FIGN: variants seen among roughly 807,000 people sequenced by gnomAD.
FIGN encodes fidgetin.
Under a neutral mutation model 51.3 loss-of-function variants are expected in FIGN, and 11 were observed. The observed-to-expected ratio is 0.21, with a 90% CI of 0.13 to 0.35. FIGN has a LOEUF of 0.35. Ranked by LOEUF, FIGN falls within the 10% of genes least tolerant of loss-of-function variation. FIGN has a pLI of 1.00. For missense variants in FIGN, 857 were observed against 943.6 expected, an observed-to-expected ratio of 0.91 and a Z score of 1.20; for synonymous variants, 407 against 363.2, an observed-to-expected ratio of 1.12 and a Z score of -1.37.
Position 163,684,049 on chromosome 2 carries a change from C to A in FIGN, c.25+50854G>T, listed in dbSNP as rs368262780. Among the ~76,000 whole-genome samples, 11 of 152,204 alleles carry A rather than the reference C, an allele frequency of 7.2e-5. No individual in the cohort carries two copies. In the South Asian group the frequency reaches 2.1e-3, roughly 29 times the overall value. On this transcript the variant is annotated intron_variant, in intron 2 of 2. Coordinates refer to ENST00000333129, the MANE Select transcript of FIGN (RefSeq NM_018086.4). ...ATGTTGAAAATCAATGATAAAATCT[C>A]CACTAATGAGAAATGTGTGTTTTTA... is the stretch of plus-strand genomic sequence containing the variant.
At chr2:163,663,353 AG>A (rs1168381152) in intron 2 of FIGN, among the ~76,000 whole-genome samples, 2 of 148,364 alleles carry the variant, frequency 1.3e-5, no homozygotes, top group Non-Finnish European at 2.9e-5. Context: ...TTGTTTTTTG[AG>A]ACGGAGTTTT....
At chr2:163,615,747 AC>A (rs1357866089) in intron 2 of FIGN, among the ~76,000 whole-genome samples, 1 of 152,180 alleles carries the variant, frequency 6.6e-6, no homozygotes, top group African/African-American at 2.4e-5. Flanking sequence ...TGACTTTAGA[AC>A]AATAACTCCT....
intron 2 of FIGN, among the ~76,000 whole-genome samples, chr2:163,720,162 T>C (rs572997030): frequency 1.3e-5 from 2 of 152,302 alleles, no homozygotes; most frequent in East Asian, 3.9e-4. Context: ...TCCAGGTAAT[T>C]GCTTAAATGA....
chr2:163,664,938 T>G (rs1683749183), intron 2 of FIGN, among the ~76,000 whole-genome samples: 1 of 152,226 alleles, frequency 6.6e-6, no homozygotes, highest in African/African-American at 2.4e-5. Flanking sequence ...CTCCCCAATC[T>G]AAGCTGACTG....
intron 2 of FIGN, among the ~76,000 whole-genome samples, chr2:163,635,904 C>T (rs1244409939): frequency 1.3e-5 from 2 of 151,850 alleles, no homozygotes; most frequent in East Asian, 1.9e-4. Flanking sequence ...TGATCTTTAA[C>T]ATAACTTGGA....
intron 2 of FIGN, among the ~76,000 whole-genome samples, chr2:163,650,567 T>C (rs1273155605): frequency 6.7e-6 from 1 of 149,294 alleles, no homozygotes; most frequent in Non-Finnish European, 1.5e-5. Flanking sequence ...CAGGCCCCAG[T>C]GTGAGATGTT....
chr2:163,627,205 C>T (rs964320667), intron 2 of FIGN, among the ~76,000 whole-genome samples: 1 of 152,090 alleles, frequency 6.6e-6, no homozygotes, highest in Non-Finnish European at 1.5e-5. Flanking sequence ...TTCTTTCTTT[C>T]GTGACATCCA....
intron 2 of FIGN, among the ~76,000 whole-genome samples, chr2:163,677,278 A>T (rs1683988033): frequency 6.6e-6 from 1 of 152,244 alleles, no homozygotes; most frequent in East Asian, 1.9e-4. Context: ...TAAGCAAGAC[A>T]TGCAAATAGG....
intron 2 of FIGN, among the ~76,000 whole-genome samples, chr2:163,671,510 G>C (rs1034615521): frequency 6.6e-6 from 1 of 152,140 alleles, no homozygotes; most frequent in Non-Finnish European, 1.5e-5. Context: ...AAAATTGGTA[G>C]ATTTACAGTC....
chr2:163,630,070 C>G (rs942409337), intron 2 of FIGN, among the ~76,000 whole-genome samples: 1 of 146,392 alleles, frequency 6.8e-6, no homozygotes, highest in African/African-American at 2.5e-5. Flanking sequence ...AGGCAATCCT[C>G]TCACCTCAGC....
intron 2 of FIGN, among the ~76,000 whole-genome samples, chr2:163,660,076 G>A (rs919646060): frequency 6.6e-6 from 1 of 151,838 alleles, no homozygotes; most frequent in African/African-American, 2.4e-5. Context: ...ACTCCAGCCT[G>A]GGTGACAGAG....
At position 163,676,368 on chromosome 2, in the gene FIGN, C is replaced by T. The variant is rs1425188360; in HGVS notation, c.25+58535G>A. ...ATCAAAGAAAACTTTTATGTTTATT[C>T]GTACAAAATGTATTTTAATTCACTA... On this transcript the variant is annotated intron_variant, in intron 2 of 2. Transcript: ENST00000333129. 2.8e-5 allele frequency among the ~76,000 whole-genome samples: 4 copies of T among 142,538 alleles called. No homozygotes were observed. The East Asian group carries it at 6.2e-4, about 22-fold the overall frequency. The allele number at this position is 142,538 out of a possible 152,430, so 93.5% of individuals were successfully genotyped here.
At chr2:163,679,660 T>C (rs1359049860) in intron 2 of FIGN, among the ~76,000 whole-genome samples, 2 of 152,236 alleles carry the variant, frequency 1.3e-5, no homozygotes, top group African/African-American at 4.8e-5. Flanking sequence ...TGAGTGTTTA[T>C]ATGAGAAGCA....
In FIGN at chr2:163,651,170, G is replaced by T. The variant is rs1431386678; in HGVS notation, c.26-39364C>A. On this transcript the variant is annotated intron_variant, in intron 2 of 2. Coordinates refer to ENST00000333129, the MANE Select transcript of FIGN (RefSeq NM_018086.4). ...GTTTGACTCAGTGTGCAAGTAAAAA[G>T]TTCTACTGATAGGCCGGGTGCGGTG... Among the ~76,000 whole-genome samples the T allele has an allele frequency of 2.0e-5, 3 of 152,180 alleles. No homozygotes were observed. In the East Asian group the frequency reaches 5.8e-4, roughly 29 times the overall value.
At chr2:163,623,100 A>G (rs1682999805) in intron 2 of FIGN, among the ~76,000 whole-genome samples, 1 of 152,172 alleles carries the variant, frequency 6.6e-6, no homozygotes, top group Non-Finnish European at 1.5e-5. Flanking sequence ...ATATGTGCAT[A>G]TGTAAGCTTA....
chr2:163,615,032 TC>T (rs1226797447), intron 2 of FIGN, among the ~76,000 whole-genome samples: 2 of 152,192 alleles, frequency 1.3e-5, no homozygotes, highest in African/African-American at 2.4e-5. Flanking sequence ...TCGTAAGATT[TC>T]TTTTTTACCT....
chr2:163,682,961 G>A (rs945794139), intron 2 of FIGN, among the ~76,000 whole-genome samples: 2 of 152,092 alleles, frequency 1.3e-5, no homozygotes, highest in Admixed American at 1.3e-4. Flanking sequence ...GGTTGTCAAA[G>A]TTTCTTCTTC....
intron 2 of FIGN, among the ~76,000 whole-genome samples, chr2:163,725,537 G>A (rs1036998279): frequency 7.9e-5 from 12 of 151,926 alleles, no homozygotes; most frequent in Non-Finnish European, 1.3e-4. Flanking sequence ...CTGTAGTAGG[G>A]TAAAATTTCA....
At chr2:163,620,456 G>A (rs578261620) in intron 2 of FIGN, among the ~76,000 whole-genome samples, 1 of 152,214 alleles carries the variant, frequency 6.6e-6, no homozygotes, top group South Asian at 2.1e-4. Flanking sequence ...ACCCTCTTAT[G>A]TGTGTAAATA....
Sources: allele counts gnomAD v4.1 joint callset (sites outside exome capture counted in the v4.1 genomes callset), GRCh38; gene constraint gnomAD v4.1.1; transcripts MANE v1.5; gene names NCBI Gene and HGNC (gene_info 2026-07-23, HGNC 2026-07-21).